PTPRT: variants seen among roughly 807,000 people sequenced by gnomAD.
PTPRT encodes the protein protein tyrosine phosphatase receptor type T.
Under a neutral mutation model 176.8 loss-of-function variants are expected in PTPRT, and 56 were observed. The observed-to-expected ratio is 0.32, with a 90% confidence interval of 0.26 to 0.40. The LOEUF (loss-of-function observed/expected upper bound fraction) is 0.40, where lower values mean the gene tolerates loss of function less well. Among genes scored for constraint, PTPRT ranks in the 10% least tolerant of loss-of-function variants. The pLI is 1.00. For missense variants in PTPRT, 1,540 were observed against 1,908.2 expected (o/e 0.81, Z 3.60); for synonymous variants, 783 against 739.0 (o/e 1.06, Z -0.96).
At chr20:42,443,738 T>G (rs976188816) in intron 9 of PTPRT, among the ~76,000 whole-genome samples, 1 of 152,096 alleles carries the variant, frequency 6.6e-6, no homozygotes, top group Non-Finnish European at 1.5e-5. Context: ...GGTCCATGGC[T>G]CCAGGGTGCT....
intron 6 of PTPRT, among the ~76,000 whole-genome samples, chr20:42,690,176 G>A (rs2075769110): frequency 6.6e-6 from 1 of 152,014 alleles, no homozygotes; most frequent in Non-Finnish European, 1.5e-5. Flanking sequence ...GAGCAGGGGT[G>A]GGGGGCCAGC....
At chr20:42,183,508 A>C (rs1990607083) in intron 16 of PTPRT, among the ~76,000 whole-genome samples, 1 of 152,358 alleles carries the variant, frequency 6.6e-6, no homozygotes, top group South Asian at 2.1e-4. Context: ...TGCAGAGACC[A>C]CAAAACTACT....
At chr20:43,115,214 C>A (rs1482859621) in intron 1 of PTPRT, among the ~76,000 whole-genome samples, 1 of 152,138 alleles carries the variant, frequency 6.6e-6, no homozygotes, top group Non-Finnish European at 1.5e-5. Context: ...TTCCAATATT[C>A]CTGCCCTAGA....
At chr20:43,102,700 A>G (rs1359325940) in intron 1 of PTPRT, among the ~76,000 whole-genome samples, 1 of 152,172 alleles carries the variant, frequency 6.6e-6, no homozygotes, top group Non-Finnish European at 1.5e-5. Flanking sequence ...CTTGGTGGGC[A>G]ATTATGAGTC....
the PTPRT span, among the ~76,000 whole-genome samples, chr20:42,044,030 G>A: frequency 1.3e-5 from 2 of 152,218 alleles, no homozygotes; most frequent in African/African-American, 4.8e-5. Context: ...ACTGAGACCA[G>A]CATGCCAGAG....
At position 42,098,387 on chromosome 20, in the gene PTPRT, G is replaced by C. The variant is rs533749262; in HGVS notation, c.3846+34C>G. ...TCCAGGTTTAGAGCATGGCCCCCCT[G>C]ACCCACCTAGGGCTTGGCTTGGCCT... On this transcript the variant is annotated intron_variant, in intron 27 of 30. Transcript: ENST00000373187. 9.3e-6 allele frequency: 15 copies of C among 1,611,756 alleles called. No homozygotes were observed. In the East Asian group the frequency reaches 3.1e-4, roughly 34 times the overall value.
chr20:43,004,148 G>A (rs1984729697), intron 1 of PTPRT, among the ~76,000 whole-genome samples: 1 of 142,150 alleles, frequency 7.0e-6, no homozygotes, highest in Non-Finnish European at 1.5e-5. Flanking sequence ...TGCAAAAAAC[G>A]TTTTAAATCA....
At chr20:42,672,325 T>C (rs888197395) in intron 7 of PTPRT, among the ~76,000 whole-genome samples, 6 of 152,184 alleles carry the variant, frequency 3.9e-5, no homozygotes, top group Non-Finnish European at 1.5e-5. Context: ...TATTGGATGC[T>C]TCCTGTCCTT....
intron 7 of PTPRT, among the ~76,000 whole-genome samples, chr20:42,521,401 G>C (rs1439184969): frequency 6.6e-6 from 1 of 152,118 alleles, no homozygotes; most frequent in Non-Finnish European, 1.5e-5. Context: ...ACACCTAACA[G>C]TCTCAGAATG....
intron 1 of PTPRT, among the ~76,000 whole-genome samples, chr20:42,911,700 A>T (rs1490274060): frequency 6.6e-6 from 1 of 152,174 alleles, no homozygotes; most frequent in East Asian, 1.9e-4. Context: ...AGGAAAATTT[A>T]AAAACACAAT....
intron 6 of PTPRT, chr20:42,687,517 CA>C (rs1236747228): frequency 6.6e-6 from 1 of 152,206 alleles, no homozygotes; most frequent in African/African-American, 2.4e-5. Context: ...GCAGAGTAAA[CA>C]TTCTAGAAGA....
chr20:42,273,071 C>T (rs2056966872), intron 13 of PTPRT, among the ~76,000 whole-genome samples: 1 of 152,116 alleles, frequency 6.6e-6, no homozygotes, highest in African/African-American at 2.4e-5. Flanking sequence ...TGACGACAGC[C>T]CTTATTGGAC....
chr20:42,627,986 C>T (rs2074327081), intron 7 of PTPRT, among the ~76,000 whole-genome samples: 1 of 152,110 alleles, frequency 6.6e-6, no homozygotes, highest in Admixed American at 6.5e-5. Context: ...TCCGTAATGC[C>T]TGCTGGGACA....
intron 1 of PTPRT, among the ~76,000 whole-genome samples, chr20:42,942,754 A>G (rs1318671762): frequency 6.6e-6 from 1 of 152,208 alleles, no homozygotes; most frequent in East Asian, 1.9e-4. Context: ...TCAATATTTT[A>G]TCCTCGAAAT....
intron 13 of PTPRT, chr20:42,270,454 C>T: frequency 6.8e-7 from 1 of 1,470,766 alleles, no homozygotes. Context: ...CCCATTGGTG[C>T]TGACCACAAG....
rs962204779 is a variant in PTPRT at position 42,554,226 on chromosome 20, T to G, written c.1154-81664A>C. The stretch of plus-strand genomic sequence containing the variant: ...TCCTTAAAATATTTTTACTCCAATG[T>G]CTATAATACTAATCTGTATGTCTTT... On this transcript the variant is annotated intron_variant, in intron 7 of 30. Transcript: ENST00000373187. Among the ~76,000 whole-genome samples the G allele has an allele frequency of 2.0e-5, 3 of 152,124 alleles. No individual in the cohort carries two copies. In the East Asian group the frequency reaches 5.8e-4, roughly 29 times the overall value.
chr20:42,458,424 T>G (rs1177461561), intron 8 of PTPRT, among the ~76,000 whole-genome samples: 1 of 152,198 alleles, frequency 6.6e-6, no homozygotes, highest in Non-Finnish European at 1.5e-5. Context: ...GTGTCTCATT[T>G]TCCTTACTTT....
intron 13 of PTPRT, among the ~76,000 whole-genome samples, chr20:42,255,347 A>C (rs1049032108): frequency 2.0e-5 from 3 of 152,192 alleles, no homozygotes; most frequent in Non-Finnish European, 4.4e-5. Flanking sequence ...GTAATAATGG[A>C]GGGAAAAATG....
At chr20:42,174,637 T>C (rs1990213574) in intron 16 of PTPRT, among the ~76,000 whole-genome samples, 1 of 152,124 alleles carries the variant, frequency 6.6e-6, no homozygotes, top group African/African-American at 2.4e-5. Context: ...TCTAGAGTGT[T>C]TGAAGAATCT....
Sources: gnomAD v4.1 joint callset for allele counts (sites outside exome capture counted in the v4.1 genomes callset) on GRCh38, gnomAD v4.1.1 for gene constraint, MANE v1.5 for transcripts, NCBI Gene and HGNC (gene_info 2026-07-23, HGNC 2026-07-21) for gene names.